TCTN2: variants seen among roughly 807,000 people sequenced by gnomAD.
TCTN2 encodes tectonic family member 2, also known as tectonic-2.
TCTN2 carries 66 observed loss-of-function variants against 83.4 expected under a neutral mutation model. The ratio of observed to expected loss-of-function variants is 0.79; its 90% CI spans 0.65 to 0.97. The LOEUF (loss-of-function observed/expected upper bound fraction) is 0.97, where lower values mean the gene tolerates loss of function less well. Ranked by LOEUF, TCTN2 falls within the 50% of genes least tolerant of loss-of-function variation. TCTN2 has a pLI of 0.00. For missense variants in TCTN2, 794 were observed against 858.1 expected (o/e 0.93, Z 0.93); for synonymous variants, 301 against 326.7 (o/e 0.92, Z 0.85).
At chr12:123,706,612 C>T (rs533588000) in intron 15 of TCTN2, 114 bp from the exon 16 acceptor site, 92 of 1,532,362 alleles carry the variant, frequency 6.0e-5, no homozygotes, top group Non-Finnish European at 7.2e-5. Flanking sequence ...AGGTAGAATG[C>T]GAAACTTCTT....
intron 1 of TCTN2, 75 bp downstream of exon 1, chr12:123,671,397 T>A (rs1025036102): frequency 1.3e-6 from 2 of 1,595,544 alleles, no homozygotes; most frequent in Non-Finnish European, 8.6e-7. Flanking sequence ...AGACTTGGAC[T>A]CCCCCGGGAG....
intron 5 of TCTN2, among the ~76,000 whole-genome samples, chr12:123,681,676 G>C (rs1339249339): frequency 3.3e-5 from 5 of 152,020 alleles, no homozygotes; most frequent in Non-Finnish European, 7.4e-5. Flanking sequence ...CTGTTTTTTG[G>C]CTATTATGAA....
intron 5 of TCTN2, among the ~76,000 whole-genome samples, chr12:123,683,285 T>TTTATTA (rs1955922166): frequency 6.6e-6 from 1 of 151,940 alleles, no homozygotes. Context: ...TTTATTTATT[T>TTTATTA]TTATTATTAT....
At chr12:123,699,293 T>A (rs2135852345) in intron 13 of TCTN2, among the ~76,000 whole-genome samples, 1 of 152,156 alleles carries the variant, frequency 6.6e-6, no homozygotes, top group East Asian at 1.9e-4. Flanking sequence ...TAGTTGGAAC[T>A]ATAGGTGCAT....
chr12:123,682,219 G>T (rs2135827660), intron 5 of TCTN2, among the ~76,000 whole-genome samples: 1 of 152,224 alleles, frequency 6.6e-6, no homozygotes, highest in South Asian at 2.1e-4. Flanking sequence ...CAATCCTCTG[G>T]CCTCAGCCTC....
intron 3 of TCTN2, 100 bp downstream of exon 3, chr12:123,672,232 G>T: frequency 1.9e-6 from 2 of 1,062,882 alleles, no homozygotes; most frequent in Non-Finnish European, 2.9e-6. Context: ...CTTTCTCCAT[G>T]CTCTCAACAA....
intron 14 of TCTN2, among the ~76,000 whole-genome samples, chr12:123,702,441 C>G (rs970891293): frequency 2.1e-5 from 3 of 145,858 alleles, no homozygotes; most frequent in Non-Finnish European, 4.4e-5. Context: ...TGAGGACCCT[C>G]CCTTCCCCCT....
At position 123,700,035 on chromosome 12, in the gene TCTN2, A is replaced by G. The variant is rs951118739; in HGVS notation, c.1612+225A>G. The G allele has an allele frequency of 1.5e-5, 9 of 598,480 alleles. No individual in the cohort carries two copies. The African/African-American group carries it at 1.7e-4, about 11-fold the overall frequency. 37.1% of individuals were successfully genotyped at this position (598,480 alleles called of 1,614,324 possible). A position where few individuals can be genotyped will look rare whatever the true frequency, so the allele number is the denominator to read the frequency against. ...TTTTCTGTTTTTGTTTTTTTGAGAC[A>G]GGGTTTCATTCTGTCACCCAGGCTG... On this transcript the variant is annotated intron_variant, in intron 14 of 17. Coordinates refer to ENST00000303372, the MANE Select transcript of TCTN2 (RefSeq NM_024809.5).
intron 6 of TCTN2, among the ~76,000 whole-genome samples, 184 bp downstream of exon 6, chr12:123,687,219 C>T (rs576487430): frequency 2.6e-4 from 39 of 152,126 alleles, no homozygotes; most frequent in Non-Finnish European, 4.6e-4. Flanking sequence ...AAGAATTGGG[C>T]CTCATTGAAA....
In TCTN2 at chr12:123,707,689, CAG is replaced by C; in HGVS notation, c.2072_2073del (p.Arg691AsnfsTer6). 6.2e-7 allele frequency: 1 copy of C among 1,614,074 alleles called. No homozygotes were observed. Among genetic ancestry groups the C allele is most frequent in the Non-Finnish European group, 8.5e-7 (1 of 1,179,976 alleles). On this transcript the variant is annotated frameshift_variant, in exon 18 of 18. Coordinates refer to ENST00000303372, the MANE Select transcript of TCTN2 (RefSeq NM_024809.5). LOFTEE classifies it low-confidence loss of function (END_TRUNC). ...LALFLSNPWTRICKAYS is the reference protein window; with the variant it reads ...LALFLSNPWTXICKAYS ...CCTTGTTCCTCAGCAACCCCTGGAC[CAG>C]AATATGCAAAGCCTATAGTTAGACA...
At chr12:123,683,014 A>C (rs1291355149) in intron 5 of TCTN2, among the ~76,000 whole-genome samples, 1 of 151,240 alleles carries the variant, frequency 6.6e-6, no homozygotes, top group East Asian at 2.0e-4. Flanking sequence ...ACCTGAGGTC[A>C]GGAGTTCGAG....
At chr12:123,688,890 G>A (rs990416093) in intron 7 of TCTN2, among the ~76,000 whole-genome samples, 3 of 151,966 alleles carry the variant, frequency 2.0e-5, no homozygotes, top group Admixed American at 6.6e-5. Flanking sequence ...CCAAGTAGCT[G>A]GGATTACAGG....
chr12:123,695,585 C>CTTT (rs34123979), intron 11 of TCTN2: 1 of 172,620 alleles, frequency 5.8e-6, no homozygotes. Flanking sequence ...CCATGCCTGG[C>CTTT]TTTTTTTTTT....
In TCTN2 at chr12:123,707,778, C is replaced by G; in HGVS notation, c.*65C>G. Reference sequence around the variant, plus strand: ...CTCTTGTTGCCCAGGCTGAAGTGATCTCGGCTCACCACAACCTCCTCCTCT... The same window carrying G: ...CTCTTGTTGCCCAGGCTGAAGTGATGTCGGCTCACCACAACCTCCTCCTCT... On this transcript the variant is annotated 3_prime_UTR_variant, in exon 18 of 18. Coordinates refer to ENST00000303372, the MANE Select transcript of TCTN2 (RefSeq NM_024809.5). 7 of 1,245,064 alleles carry G rather than the reference C, an allele frequency of 5.6e-6. No individual in the cohort carries two copies. Among genetic ancestry groups the G allele is most frequent in the Non-Finnish European group, 8.3e-6 (7 of 848,262 alleles). 77.1% of individuals were successfully genotyped at this position (1,245,064 alleles called of 1,614,324 possible).
intron 14 of TCTN2, 128 bp from the exon 15 acceptor site, chr12:123,704,404 C>A: frequency 1.1e-6 from 1 of 924,144 alleles, no homozygotes; most frequent in African/African-American, 1.6e-5. Flanking sequence ...TAACTAGAGC[C>A]TGTAAGAGAC....
At chr12:123,679,125 A>G in intron 4 of TCTN2, 64 bp from the exon 5 acceptor site, 1 of 1,445,628 alleles carries the variant, frequency 6.9e-7, no homozygotes, top group Non-Finnish European at 9.7e-7. Flanking sequence ...TGAATGTCAA[A>G]AATGTGACTG....
At position 123,706,720 on chromosome 12, in the gene TCTN2, T is replaced by TC; in HGVS notation, c.1770-4dup. The TC allele has an allele frequency of 6.2e-7, 1 of 1,613,900 alleles. No homozygotes were observed. Among genetic ancestry groups the TC allele is most frequent in the Non-Finnish European group, 8.5e-7 (1 of 1,179,920 alleles). ...CTATGCTGACCATGTGATCTTTCCC[T>TC]CCTAGGTTCTCCTCAGTGAACTGGC... On this transcript the variant is annotated splice_region_variant and splice_polypyrimidine_tract_variant and intron_variant, in intron 15 of 17. Transcript: ENST00000303372.
intron 9 of TCTN2, among the ~76,000 whole-genome samples, chr12:123,694,590 G>C (rs927048600): frequency 1.3e-5 from 2 of 152,170 alleles, no homozygotes; most frequent in African/African-American, 4.8e-5. Context: ...AGGTGCTGGA[G>C]ATATAGAAAT....
Position 123,699,791 on chromosome 12 carries a change from T to TC in TCTN2, c.1593_1594insC (p.Gly532ArgfsTer12), listed in dbSNP as rs1432468551. 1 of 1,614,126 alleles carries TC rather than the reference T, an allele frequency of 6.2e-7. No homozygotes were observed. The highest frequency in any genetic ancestry group is 8.5e-7 in the Non-Finnish European group (1 of 1,179,982). On this transcript the variant is annotated frameshift_variant, in exon 14 of 18. Transcript: ENST00000303372. LOFTEE classifies it high-confidence loss of function. Reference sequence around the variant, plus strand: ...ACTCCGATTACGCTGATCTTAGTGATGGCTGGCTCGAAATAATACGTAAGT... The same window carrying TC: ...ACTCCGATTACGCTGATCTTAGTGATCGGCTGGCTCGAAATAATACGTAAGT...
Sources: allele counts gnomAD v4.1 joint callset (sites outside exome capture counted in the v4.1 genomes callset), GRCh38; gene constraint gnomAD v4.1.1; transcripts MANE v1.5; gene names NCBI Gene and HGNC (gene_info 2026-07-23, HGNC 2026-07-21).